The following CSMD3 variants were observed in gnomAD, a reference collection of about 807,000 sequenced individuals.
CSMD3 encodes the protein CUB and Sushi multiple domains 3.
A neutral mutation model predicts 435.2 loss-of-function variants in CSMD3; 177 were observed. The ratio of observed to expected loss-of-function variants is 0.41; its 90% CI spans 0.36 to 0.46. The LOEUF (loss-of-function observed/expected upper bound fraction) is 0.46. Ranked by LOEUF, CSMD3 falls within the 20% of genes least tolerant of loss-of-function variation. CSMD3 has a pLI of 0.34. For synonymous variants in CSMD3, 1,656 were observed against 1,520.5 expected (o/e 1.09, Z -2.07); for missense variants, 4,265 against 4,504.6 (o/e 0.95, Z 1.52).
chr8:112,405,289 A>G (rs1235948399), intron 35 of CSMD3, among the ~76,000 whole-genome samples: 3 of 139,698 alleles, frequency 2.1e-5, no homozygotes, highest in Non-Finnish European at 4.6e-5. Flanking sequence ...ATCACATACT[A>G]ATATAACTTT....
intron 9 of CSMD3, among the ~76,000 whole-genome samples, chr8:112,941,121 A>G (rs137855722): frequency 6.6e-6 from 1 of 151,960 alleles, no homozygotes; most frequent in African/African-American, 2.4e-5. Flanking sequence ...AAAGCTTTAT[A>G]AAAGAGGATT....
intron 13 of CSMD3, among the ~76,000 whole-genome samples, chr8:112,718,547 T>G (rs2076786800): frequency 1.3e-5 from 2 of 150,318 alleles, no homozygotes; most frequent in Admixed American, 1.3e-4. Context: ...GCATAAAGGA[T>G]GATAGTAATA....
At chr8:113,290,231 C>T (rs1208808079) in intron 2 of CSMD3, among the ~76,000 whole-genome samples, 1 of 151,552 alleles carries the variant, frequency 6.6e-6, no homozygotes, top group Non-Finnish European at 1.5e-5. Context: ...ATACATTTTA[C>T]ATAAAATACA....
In CSMD3 at chr8:113,210,653, C is replaced by T. The variant is rs185302116; in HGVS notation, c.515-36737G>A. Among the ~76,000 whole-genome samples, 349 of 151,806 alleles carry T rather than the reference C, an allele frequency of 2.3e-3. 5 individuals are homozygous for T. The highest frequency in any genetic ancestry group is 2.9e-3 in the Non-Finnish European group (197 of 67,924). On this transcript the variant is annotated intron_variant, in intron 3 of 70. Coordinates refer to ENST00000297405, the MANE Select transcript of CSMD3 (RefSeq NM_198123.2). ...AGCACTTTGGGAGGCTGAGGTGGGCCGGTCACCTGAGGTCAGGAGTTCGAG... is the reference window on the plus strand; with the variant it reads ...AGCACTTTGGGAGGCTGAGGTGGGCTGGTCACCTGAGGTCAGGAGTTCGAG...
chr8:112,857,679 A>T (rs1242796709), intron 11 of CSMD3, among the ~76,000 whole-genome samples: 1 of 151,772 alleles, frequency 6.6e-6, no homozygotes, highest in Non-Finnish European at 1.5e-5. Context: ...CAAGTTATTT[A>T]TAGGCTTGCT....
At chr8:113,068,235 C>A (rs1198981742) in intron 5 of CSMD3, among the ~76,000 whole-genome samples, 1 of 151,834 alleles carries the variant, frequency 6.6e-6, no homozygotes, top group Non-Finnish European at 1.5e-5. Context: ...TGACAAACAG[C>A]CAAATGTCAA....
chr8:112,314,763 T>C, intron 47 of CSMD3, 146 bp from the exon 48 acceptor site: 2 of 670,246 alleles, frequency 3.0e-6, no homozygotes, highest in Non-Finnish European at 5.3e-6. Context: ...CAAGTTGTAT[T>C]AAACTTATGA....
At chr8:113,430,979 T>A (rs2094668835) in intron 1 of CSMD3, among the ~76,000 whole-genome samples, 1 of 152,164 alleles carries the variant, frequency 6.6e-6, no homozygotes, top group Admixed American at 6.5e-5. Flanking sequence ...GGAAAGGTGA[T>A]CATCAGCATT....
intron 63 of CSMD3, among the ~76,000 whole-genome samples, chr8:112,252,327 C>A (rs1815339153): frequency 6.6e-6 from 1 of 152,000 alleles, no homozygotes; most frequent in East Asian, 1.9e-4. Flanking sequence ...TCACTCTTGG[C>A]CATATGGCCA....
intron 7 of CSMD3, 46 bp from the exon 8 acceptor site, chr8:112,954,807 T>A (rs543757070): frequency 1.7e-6 from 2 of 1,145,544 alleles, no homozygotes; most frequent in East Asian, 4.8e-5. Context: ...AATACAATTT[T>A]AAAATGAAAT....
chr8:113,181,070 G>A (rs1223606628), intron 3 of CSMD3, among the ~76,000 whole-genome samples: 3 of 151,650 alleles, frequency 2.0e-5, no homozygotes, highest in Non-Finnish European at 4.4e-5. Context: ...TATTGAAAGG[G>A]AACCCAAATA....
chr8:112,415,639 T>A (rs1454152986), intron 32 of CSMD3, among the ~76,000 whole-genome samples: 1 of 152,086 alleles, frequency 6.6e-6, no homozygotes, highest in African/African-American at 2.4e-5. Context: ...CCAGGAAAAG[T>A]CACAGATGCT....
chr8:112,599,827 C>T (rs1205750088), intron 22 of CSMD3, among the ~76,000 whole-genome samples: 1 of 132,010 alleles, frequency 7.6e-6, no homozygotes, highest in African/African-American at 2.9e-5. Context: ...AATGAGATCA[C>T]ATGGACACAG....
chr8:112,492,761 T>C, intron 30 of CSMD3, 78 bp from the exon 31 acceptor site: 2 of 1,143,138 alleles, frequency 1.7e-6, no homozygotes, highest in Middle Eastern at 2.1e-4. Context: ...TCTGCATCTG[T>C]GGATTCAGCC....
intron 5 of CSMD3, among the ~76,000 whole-genome samples, chr8:113,031,714 T>C (rs2087117834): frequency 6.6e-6 from 1 of 151,714 alleles, no homozygotes; most frequent in Non-Finnish European, 1.5e-5. Context: ...AATTTTCTTG[T>C]TGTAATATTG....
At chr8:112,502,193 C>T (rs1164784139) in intron 30 of CSMD3, among the ~76,000 whole-genome samples, 17 of 152,160 alleles carry the variant, frequency 1.1e-4, no homozygotes, top group Non-Finnish European at 2.9e-5. Context: ...GTCAAGCTCA[C>T]TCTCTCTAAA....
intron 21 of CSMD3, among the ~76,000 whole-genome samples, chr8:112,637,327 A>T (rs2074689971): frequency 6.6e-6 from 1 of 152,276 alleles, no homozygotes; most frequent in East Asian, 1.9e-4. Flanking sequence ...TATATTTTCG[A>T]CTTACGGCAT....
At chr8:113,085,147 G>A (rs1057383554) in intron 5 of CSMD3, among the ~76,000 whole-genome samples, 3 of 151,862 alleles carry the variant, frequency 2.0e-5, no homozygotes, top group Non-Finnish European at 4.4e-5. Context: ...ACAGAGTGAA[G>A]AGACAACCTG....
At chr8:113,141,797 A>T (rs762892989) in intron 4 of CSMD3, among the ~76,000 whole-genome samples, 1 of 150,958 alleles carries the variant, frequency 6.6e-6, no homozygotes, top group Non-Finnish European at 1.5e-5. Context: ...CAGTCATTAA[A>T]AACAGTTGTA....
Sources: allele counts gnomAD v4.1 joint callset (sites outside exome capture counted in the v4.1 genomes callset), GRCh38; gene constraint gnomAD v4.1.1; transcripts MANE v1.5; gene names NCBI Gene and HGNC (gene_info 2026-07-23, HGNC 2026-07-21).